The following SPHK2 variants were observed in gnomAD, a reference collection of about 807,000 sequenced individuals.
SPHK2 encodes sphingosine kinase 2.
A neutral mutation model predicts 32.3 loss-of-function variants in SPHK2; 18 were observed. The ratio of observed to expected loss-of-function variants is 0.56; its 90% confidence interval spans 0.39 to 0.83. The LOEUF (loss-of-function observed/expected upper bound fraction) is 0.83. Among genes scored for constraint, SPHK2 ranks in the 40% least tolerant of loss-of-function variants. The pLI, the probability that SPHK2 is intolerant of heterozygous loss-of-function variation, is 0.00. For missense variants in SPHK2, 850 were observed against 908.7 expected, an observed-to-expected ratio of 0.94 and a Z score of 0.83; for synonymous variants, 462 against 417.6, an observed-to-expected ratio of 1.11 and a Z score of -1.30.
rs368325307 is a variant in SPHK2, at chr19:48,629,713, G to A, written c.1905G>A (p.Met635Ile). 13 of 1,609,224 alleles carry A rather than the reference G, an allele frequency of 8.1e-6. No individual in the cohort carries two copies. The highest frequency in any genetic ancestry group is 1.1e-5 in the Non-Finnish European group (13 of 1,177,994). Residue 635 changes from methionine (M) to isoleucine (I), a missense_variant, in exon 7 of 7, where the codon ATG becomes ATA. Around this residue, in one of 2 missense-constraint regions of SPHK2, gnomAD observed 306 missense variants for 268.6 expected, o/e 1.14. Coordinates refer to ENST00000245222, the MANE Select transcript of SPHK2 (RefSeq NM_020126.5). ...AGTATGGGCCGCTACAGGCACAGATGCACCCTGGCATCGGTACACTGCTCA... is the reference window on the plus strand; with the variant it reads ...AGTATGGGCCGCTACAGGCACAGATACACCCTGGCATCGGTACACTGCTCA... ...QVEYGPLQAQ[M>I]HPGIGTLLTG...
intron 2 of SPHK2, among the ~76,000 whole-genome samples, chr19:48,621,525 C>T (rs1387411716): frequency 6.6e-6 from 1 of 152,154 alleles, no homozygotes. Flanking sequence ...GGGAGCCCTT[C>T]CATAAGTGAT....
In SPHK2 at chr19:48,628,722, C is replaced by T. The variant is rs776185429; in HGVS notation, c.914C>T (p.Ser305Leu). The T allele has an allele frequency of 2.5e-6, 4 of 1,612,980 alleles. No individual in the cohort carries two copies. Among genetic ancestry groups the T allele is most frequent in the Non-Finnish European group, 3.4e-6 (4 of 1,180,018 alleles). The change falls in exon 7 of 7, where the codon TCA becomes TTA. Residue 305 changes from serine (S) to leucine (L), a missense_variant. Physicochemically the swap from Ser to Leu is moderately radical, Grantham distance 145. This residue lies in a region of SPHK2 where 544 missense variants were observed against 640.0 expected (regional missense o/e 0.85). Coordinates refer to ENST00000245222, the MANE Select transcript of SPHK2 (RefSeq NM_020126.5). This position sits in a 1 kb window ranked among gnomAD's most constrained non-coding sequence, Gnocchi z 5.2. ...GGCCTCGACCTGTTGCTCAACTGCTCACTGTTGCTGTGCCGGGGTGGTGGC... is the reference window on the plus strand; with the variant it reads ...GGCCTCGACCTGTTGCTCAACTGCTTACTGTTGCTGTGCCGGGGTGGTGGC... The part of the protein sequence containing the change: ...ALGLDLLLNC[S>L]LLLCRGGGHP...
Position 48,628,584 on chromosome 19 carries a change from T to G in SPHK2, c.873-97T>G. The G allele has an allele frequency of 6.8e-7, 1 of 1,480,618 alleles. No individual in the cohort carries two copies. The highest frequency in any genetic ancestry group is 2.3e-5 in the East Asian group (1 of 43,926). The allele number at this position is 1,480,618 out of a possible 1,614,324, so 91.7% of individuals were successfully genotyped here. The stretch of plus-strand genomic sequence containing the variant: ...GCTGTGGTGGGCCTGGGCCATGGCC[T>G]TCGTGGTCTCATTGCCAGCTGCTTT... On this transcript the variant is annotated intron_variant, in intron 6 of 6. Transcript: ENST00000245222. This position sits in a 1 kb window ranked among gnomAD's most constrained non-coding sequence, Gnocchi z 5.2.
Position 48,628,610 on chromosome 19 carries a change from C to T in SPHK2, c.873-71C>T. 6.4e-7 allele frequency: 1 copy of T among 1,570,282 alleles called. No individual in the cohort carries two copies. Among genetic ancestry groups the T allele is most frequent in the Non-Finnish European group, 8.6e-7 (1 of 1,157,296 alleles). The stretch of plus-strand genomic sequence containing the variant: ...TCGTGGTCTCATTGCCAGCTGCTTT[C>T]CTACCTGTCTCTTTCCCCAACCCCT... On this transcript the variant is annotated intron_variant, in intron 6 of 6. Transcript: ENST00000245222. The surrounding 1 kb of genome is among the most constrained non-coding windows in gnomAD (Gnocchi z 5.2).
At position 48,630,386 on chromosome 19, in the gene SPHK2, C is replaced by T; in HGVS notation, c.*613C>T. 1 of 1,377,304 alleles carries T rather than the reference C, an allele frequency of 7.3e-7. No homozygotes were observed. The highest frequency in any genetic ancestry group is 9.4e-7 in the Non-Finnish European group (1 of 1,067,054). The allele number at this position is 1,377,304 out of a possible 1,614,324, so 85.3% of individuals were successfully genotyped here. On this transcript the variant is annotated 3_prime_UTR_variant, in exon 7 of 7. Transcript: ENST00000245222. The surrounding 1 kb of genome is among the most constrained non-coding windows in gnomAD (Gnocchi z 4.9). Reference sequence around the variant, plus strand: ...ATTGAAAAGGTCTATGCAATAAAGGCAGTCGCTTCATTCCTCTCAGACCTT... The same window carrying T: ...ATTGAAAAGGTCTATGCAATAAAGGTAGTCGCTTCATTCCTCTCAGACCTT...
intron 4 of SPHK2, 53 bp from the exon 5 acceptor site, chr19:48,627,922 T>C (rs959232726): frequency 9.6e-6 from 15 of 1,569,178 alleles, no homozygotes; most frequent in Non-Finnish European, 1.2e-5. Flanking sequence ...GACTCCTGGG[T>C]CTATGGGGCT....
intron 2 of SPHK2, chr19:48,623,735 C>G (rs1205211302): frequency 6.6e-6 from 1 of 152,230 alleles, no homozygotes; most frequent in African/African-American, 2.4e-5. Flanking sequence ...TAATGAGCCT[C>G]TCCTTCGCGG....
chr19:48,628,968 C>T lies in SPHK2; in HGVS notation c.1160C>T (p.Ser387Leu), dbSNP rs142406244. 30 of 1,613,624 alleles carry T rather than the reference C, an allele frequency of 1.9e-5. No individual in the cohort carries two copies. Among genetic ancestry groups the T allele is most frequent in the African/African-American group, 1.7e-4 (13 of 74,920 alleles). The change falls in exon 7 of 7, where the codon TCG (serine) becomes TTG (leucine). Residue 387 changes from serine (S) to leucine (L), a missense_variant. Coordinates refer to ENST00000245222, the MANE Select transcript of SPHK2 (RefSeq NM_020126.5). The surrounding 1 kb of genome is among the most constrained non-coding windows in gnomAD (Gnocchi z 5.2). Reference protein sequence around the residue: ...SYLPATVEPASPTPAHSLPRA... With the variant: ...SYLPATVEPALPTPAHSLPRA... ...CTCCCCGCCACTGTGGAACCTGCCT[C>T]GCCCACCCCTGCCCATAGCCTGCCT...
In SPHK2 at chr19:48,628,606, C is replaced by T. The variant is rs2030218994; in HGVS notation, c.873-75C>T. ...GCCTTCGTGGTCTCATTGCCAGCTG[C>T]TTTCCTACCTGTCTCTTTCCCCAAC... On this transcript the variant is annotated intron_variant, in intron 6 of 6. Coordinates refer to ENST00000245222, the MANE Select transcript of SPHK2 (RefSeq NM_020126.5). The surrounding 1 kb of genome is among the most constrained non-coding windows in gnomAD (Gnocchi z 5.2). 2 of 1,564,220 alleles carry T rather than the reference C, an allele frequency of 1.3e-6. No individual in the cohort carries two copies. Among genetic ancestry groups the T allele is most frequent in the Admixed American group, 1.7e-5 (1 of 58,822 alleles).
intron 3 of SPHK2, among the ~76,000 whole-genome samples, chr19:48,627,433 A>G (rs2030012478): frequency 6.6e-6 from 1 of 152,230 alleles, no homozygotes; most frequent in African/African-American, 2.4e-5. Flanking sequence ...TGGGGTGAGG[A>G]AAGTGGGAAC....
At position 48,619,538 on chromosome 19, in the gene SPHK2, T is replaced by C; in HGVS notation, c.-119T>C. The C allele has an allele frequency of 4.0e-6, 1 of 249,974 alleles. No individual in the cohort carries two copies. The highest frequency in any genetic ancestry group is 7.9e-6 in the Non-Finnish European group (1 of 127,070). 15.5% of individuals were successfully genotyped at this position (249,974 alleles called of 1,614,324 possible). ...CCCGGAGGACCCGGCGGGCCCAGTGTTGGAGGTGAGGAGGCGGGGCTGGCA... is the reference window on the plus strand; with the variant it reads ...CCCGGAGGACCCGGCGGGCCCAGTGCTGGAGGTGAGGAGGCGGGGCTGGCA... On this transcript the variant is annotated 5_prime_UTR_variant, in exon 1 of 7. Transcript: ENST00000245222.
Position 48,629,788 on chromosome 19 carries a change from G to T in SPHK2, c.*15G>T. On this transcript the variant is annotated 3_prime_UTR_variant, in exon 7 of 7. Transcript: ENST00000245222. ...GGGAGCCCTGAAACTAAACAAGCTTGGTACCCGCCGGGGGCGGGGCCTACA... is the reference window on the plus strand; with the variant it reads ...GGGAGCCCTGAAACTAAACAAGCTTTGTACCCGCCGGGGGCGGGGCCTACA... The T allele has an allele frequency of 1.9e-6, 3 of 1,544,084 alleles. No individual in the cohort carries two copies. Among genetic ancestry groups the T allele is most frequent in the Non-Finnish European group, 2.6e-6 (3 of 1,143,336 alleles).
In SPHK2 at chr19:48,620,514, G is replaced by C. The variant is rs770395559; in HGVS notation, c.-1G>C. 17 of 1,612,872 alleles carry C rather than the reference G, an allele frequency of 1.1e-5. No individual in the cohort carries two copies. In the East Asian group the frequency reaches 3.3e-4, roughly 32 times the overall value. On this transcript the variant is annotated 5_prime_UTR_variant, in exon 2 of 7. Coordinates refer to ENST00000245222, the MANE Select transcript of SPHK2 (RefSeq NM_020126.5). Reference sequence around the variant, plus strand: ...GATGTAACAGAGCAGAGGACCAGCAGATGAATGGACACCTTGAAGCAGAGG... The same window carrying C: ...GATGTAACAGAGCAGAGGACCAGCACATGAATGGACACCTTGAAGCAGAGG...
chr19:48,621,542 C>T (rs866648949), intron 2 of SPHK2, among the ~76,000 whole-genome samples: 1 of 152,302 alleles, frequency 6.6e-6, no homozygotes, highest in Middle Eastern at 3.4e-3. Flanking sequence ...TGATTTCAGA[C>T]CTTCTCTCCA....
In SPHK2 at chr19:48,626,386, A is replaced by C. The variant is rs746112358; in HGVS notation, c.511+24A>C. The C allele has an allele frequency of 2.6e-6, 4 of 1,528,864 alleles. No individual in the cohort carries two copies. The African/African-American group carries it at 5.6e-5, about 21-fold the overall frequency. The allele number at this position is 1,528,864 out of a possible 1,614,324, so 94.7% of individuals were successfully genotyped here. On this transcript the variant is annotated intron_variant, in intron 3 of 6. Transcript: ENST00000245222. Reference sequence around the variant, plus strand: ...GGGTGAGGTGCTGGGCAGCTGCTCTATCCTGGAGCCACCTTGGTGTCTCTG... The same window carrying C: ...GGGTGAGGTGCTGGGCAGCTGCTCTCTCCTGGAGCCACCTTGGTGTCTCTG...
rs776720313 is a variant in SPHK2, at chr19:48,629,305, C to G, written c.1497C>G (p.Leu499=). The part of the protein sequence containing the change: ...GAPVIPPSSG[L]PLPTPDARVG... ...CCGTAATTCCCCCATCCTCTGGGCT[C>G]CCACTTCCCACCCCTGATGCCCGGG... The change falls in exon 7 of 7, where the codon CTC becomes CTG. Residue 499 remains leucine (L), a synonymous_variant. Transcript: ENST00000245222. 4 of 1,613,444 alleles carry G rather than the reference C, an allele frequency of 2.5e-6. No homozygotes were observed. In the South Asian group the frequency reaches 4.4e-5, roughly 18 times the overall value.
In SPHK2 at chr19:48,628,337, A is replaced by G. The variant is rs768889220; in HGVS notation, c.872+60A>G. On this transcript the variant is annotated intron_variant, in intron 6 of 6. Coordinates refer to ENST00000245222, the MANE Select transcript of SPHK2 (RefSeq NM_020126.5). The surrounding 1 kb of genome is among the most constrained non-coding windows in gnomAD (Gnocchi z 5.2). ...CCCTCCTGGGGTGATAGGGACCCCTATATCTCCCACTCAGCCAAACCCACA... is the reference window on the plus strand; with the variant it reads ...CCCTCCTGGGGTGATAGGGACCCCTGTATCTCCCACTCAGCCAAACCCACA... The G allele has an allele frequency of 7.5e-6, 11 of 1,461,826 alleles. No individual in the cohort carries two copies. The Admixed American group carries it at 1.5e-4, about 20-fold the overall frequency. 90.6% of individuals were successfully genotyped at this position (1,461,826 alleles called of 1,614,324 possible).
chr19:48,624,238 G>C (rs555398372), intron 2 of SPHK2: 1 of 152,274 alleles, frequency 6.6e-6, no homozygotes, highest in African/African-American at 2.4e-5. Context: ...CCCAGCTCTC[G>C]GCCTCTCCCG....
In SPHK2 at chr19:48,627,786, C is replaced by T; in HGVS notation, c.606C>T (p.Asn202=). Residue 202 remains asparagine, a synonymous_variant, in exon 4 of 7, where the codon AAC becomes AAT. Transcript: ENST00000245222. ...GRGLAWQWCK[N]HVLPMISEAG... ...GCCTGGCCTGGCAGTGGTGTAAGAA[C>T]CACGTGCTTCCCATGATCTCTGAAG... 1 of 1,613,966 alleles carries T rather than the reference C, an allele frequency of 6.2e-7. No individual in the cohort carries two copies. The highest frequency in any genetic ancestry group is 8.5e-7 in the Non-Finnish European group (1 of 1,179,936).
Sources: gnomAD v4.1 joint callset for allele counts (sites outside exome capture counted in the v4.1 genomes callset) on GRCh38, gnomAD v4.1.1 for gene constraint, gnomAD v4.1.1 regional missense constraint, Gnocchi (gnomAD v3.1) non-coding constraint, MANE v1.5 for transcripts, NCBI Gene and HGNC (gene_info 2026-07-23, HGNC 2026-07-21) for gene names.